The following SMYD3 variants were observed in gnomAD, a reference collection of about 807,000 sequenced individuals.
The protein encoded by SMYD3 is SET and MYND domain containing 3, also known as histone-lysine N-methyltransferase SMYD3.
SMYD3 carries 36 observed loss-of-function variants against 57.7 expected under a neutral mutation model. The observed-to-expected ratio is 0.62, with a 90% CI of 0.48 to 0.82. The LOEUF is 0.82. SMYD3 is among the 40% of genes least tolerant of loss of function. The pLI is 0.00. For missense variants in SMYD3, 515 were observed against 538.8 expected (o/e 0.96, Z 0.44); for synonymous variants, 211 against 195.0 (o/e 1.08, Z -0.68).
intron 5 of SMYD3, among the ~76,000 whole-genome samples, chr1:246,019,487 G>A (rs923111662): frequency 1.3e-5 from 2 of 152,128 alleles, no homozygotes; most frequent in African/African-American, 4.8e-5. Flanking sequence ...TACAAATACT[G>A]GTCATAGAAC....
intron 5 of SMYD3, among the ~76,000 whole-genome samples, chr1:246,323,544 T>A (rs2065285543): frequency 6.6e-6 from 1 of 152,174 alleles, no homozygotes; most frequent in African/African-American, 2.4e-5. Context: ...GAAAAAGCCA[T>A]CAGCTCACCA....
chr1:246,505,822 A>C (rs375093047), intron 1 of SMYD3, among the ~76,000 whole-genome samples: 3 of 152,242 alleles, frequency 2.0e-5, no homozygotes, highest in African/African-American at 7.2e-5. Flanking sequence ...TTCAATTGCC[A>C]ATTTGTCACC....
At chr1:245,760,474 A>G (rs914859243) in intron 11 of SMYD3, among the ~76,000 whole-genome samples, 1 of 152,170 alleles carries the variant, frequency 6.6e-6, no homozygotes, top group African/African-American at 2.4e-5. Context: ...AGGGATGGAT[A>G]CATTCAGGCC....
chr1:245,951,518 G>A (rs12033241), intron 5 of SMYD3, among the ~76,000 whole-genome samples: 15,696 of 135,280 alleles, frequency 0.12, 2,829 homozygotes, highest in East Asian at 0.51. Context: ...GCAGTGAGCC[G>A]AGATCGCGCC....
At chr1:245,823,048 T>C (rs1435647105) in intron 10 of SMYD3, among the ~76,000 whole-genome samples, 1 of 152,192 alleles carries the variant, frequency 6.6e-6, no homozygotes. Context: ...TATGACATTC[T>C]TTTTCTGCCT....
chr1:246,095,021 C>A (rs376051862), intron 5 of SMYD3, among the ~76,000 whole-genome samples: 1 of 152,084 alleles, frequency 6.6e-6, no homozygotes, highest in South Asian at 2.1e-4. Flanking sequence ...CTCTTCTGCT[C>A]GGGCACCATC....
intron 5 of SMYD3, among the ~76,000 whole-genome samples, chr1:246,063,414 T>C (rs1207837858): frequency 6.6e-6 from 1 of 152,152 alleles, no homozygotes; most frequent in African/African-American, 2.4e-5. Flanking sequence ...ACCATAATGT[T>C]GACACAAACA....
chr1:245,758,436 G>A (rs2045701119), intron 11 of SMYD3, among the ~76,000 whole-genome samples: 1 of 151,860 alleles, frequency 6.6e-6, no homozygotes, highest in Non-Finnish European at 1.5e-5. Context: ...TTTTCTTTCT[G>A]GGACTCCAAT....
intron 5 of SMYD3, among the ~76,000 whole-genome samples, chr1:246,236,342 C>T (rs773440273): frequency 6.6e-6 from 1 of 152,086 alleles, no homozygotes; most frequent in Non-Finnish European, 1.5e-5. Context: ...GCAATCCTCC[C>T]GCCTCAGCCT....
chr1:246,402,814 T>C (rs1267990778), intron 1 of SMYD3, among the ~76,000 whole-genome samples: 1 of 152,226 alleles, frequency 6.6e-6, no homozygotes, highest in Non-Finnish European at 1.5e-5. Flanking sequence ...CTCCATTTAC[T>C]ATAAAGAGAT....
intron 5 of SMYD3, among the ~76,000 whole-genome samples, chr1:246,166,460 C>T (rs2062214219): frequency 6.6e-6 from 1 of 152,192 alleles, no homozygotes. Flanking sequence ...TGTGAAAAAG[C>T]ATTTTAGCTG....
chr1:246,411,517 C>T (rs2066967946), intron 1 of SMYD3, among the ~76,000 whole-genome samples: 1 of 152,138 alleles, frequency 6.6e-6, no homozygotes. Context: ...TATAAAGACA[C>T]ACGCACACAT....
chr1:245,797,203 T>C (rs913582755), intron 10 of SMYD3, among the ~76,000 whole-genome samples: 7 of 152,316 alleles, frequency 4.6e-5, no homozygotes, highest in East Asian at 1.9e-4. Context: ...ATATCAATCA[T>C]GCTGCTATAA....
rs2059765983 is a variant in SMYD3, at chr1:246,035,926, T to C, written c.532-105989A>G. Among the ~76,000 whole-genome samples the C allele has an allele frequency of 2.6e-5, 4 of 152,226 alleles. No individual in the cohort carries two copies. In the South Asian group the frequency reaches 8.3e-4, roughly 32 times the overall value. ...GATGCAGCTCTAAACAACTAAAGCA[T>C]GTACCTGTCTTAAGTGACAAGGAGG... On this transcript the variant is annotated intron_variant, in intron 5 of 11. Coordinates refer to ENST00000490107, the MANE Select transcript of SMYD3 (RefSeq NM_001167740.2).
intron 5 of SMYD3, among the ~76,000 whole-genome samples, chr1:246,198,484 C>T (rs182637490): frequency 7.2e-5 from 11 of 152,274 alleles, no homozygotes; most frequent in African/African-American, 2.6e-4. Context: ...TCTGAAGACA[C>T]ATTCAATAAG....
At chr1:246,193,822 C>T (rs1223614946) in intron 5 of SMYD3, 1 of 152,256 alleles carries the variant, frequency 6.6e-6, no homozygotes, top group Non-Finnish European at 1.5e-5. Context: ...GGTACTCACG[C>T]TTCTTTTTCT....
intron 5 of SMYD3, among the ~76,000 whole-genome samples, chr1:246,294,988 T>C (rs1052577323): frequency 2.6e-5 from 4 of 152,222 alleles, no homozygotes; most frequent in African/African-American, 9.6e-5. Flanking sequence ...TTACATGAGA[T>C]AATACATAAA....
intron 1 of SMYD3, among the ~76,000 whole-genome samples, chr1:246,368,264 C>T (rs776695706): frequency 2.6e-5 from 4 of 152,102 alleles, no homozygotes; most frequent in Non-Finnish European, 5.9e-5. Context: ...TATGGGGGTA[C>T]TATCTTAGGG....
chr1:246,368,697 C>T (rs1045405196), intron 1 of SMYD3, among the ~76,000 whole-genome samples: 5 of 152,134 alleles, frequency 3.3e-5, no homozygotes, highest in African/African-American at 1.2e-4. Context: ...GGCAGACCCC[C>T]CCTCAACCTG....
Sources: allele counts gnomAD v4.1 joint callset (sites outside exome capture counted in the v4.1 genomes callset), GRCh38; gene constraint gnomAD v4.1.1; transcripts MANE v1.5; gene names NCBI Gene and HGNC (gene_info 2026-07-23, HGNC 2026-07-21).